SAMMSON: variants seen among roughly 807,000 people sequenced by gnomAD.
SAMMSON encodes the protein survival associated mitochondrial melanoma specific oncogenic non-coding RNA, also known as long intergenic non-protein coding RNA 1212.
At chr3:70,338,738 A>C (rs971226445) in intron 7 of SAMMSON, among the ~76,000 whole-genome samples, 6 of 152,168 alleles carry the variant, frequency 3.9e-5, no homozygotes, top group African/African-American at 1.4e-4. Context: ...ACCACTGCTC[A>C]AGGAAATAAG....
intron 6 of SAMMSON, among the ~76,000 whole-genome samples, chr3:70,279,067 C>A (rs566954390): frequency 6.7e-6 from 1 of 149,972 alleles, no homozygotes; most frequent in South Asian, 2.2e-4. Context: ...TTCCTAACAT[C>A]TTCTCATTTG....
At chr3:70,206,449 A>T (rs1289699878) in intron 4 of SAMMSON, 20 of 394,796 alleles carry the variant, frequency 5.1e-5, no homozygotes, top group Non-Finnish European at 1.8e-5. Flanking sequence ...TTTCAAATCG[A>T]AGTCTTCGTG....
At chr3:70,317,934 G>C (rs1199102215) in intron 7 of SAMMSON, among the ~76,000 whole-genome samples, 3 of 151,558 alleles carry the variant, frequency 2.0e-5, no homozygotes, top group Non-Finnish European at 3.0e-5. Flanking sequence ...ATTCTTTATT[G>C]ACAGGTTTTT....
At chr3:70,379,390 A>T (rs1011191002) in intron 9 of SAMMSON, among the ~76,000 whole-genome samples, 2 of 152,106 alleles carry the variant, frequency 1.3e-5, no homozygotes, top group African/African-American at 4.8e-5. Flanking sequence ...TCTGAAATGG[A>T]GTTTAGTGTG....
rs371759016 is a variant in SAMMSON, at chr3:70,315,116, T to C, written n.739+23873T>C. On this transcript the variant is annotated intron_variant and non_coding_transcript_variant, in intron 7 of 9. Transcript: ENST00000642114. Reference sequence around the variant, plus strand: ...TCGAAGCATTAGAATAGAATCTCTGTACAAGAGTTTATTCTGAAGAGGAAA... The same window carrying C: ...TCGAAGCATTAGAATAGAATCTCTGCACAAGAGTTTATTCTGAAGAGGAAA... Among the ~76,000 whole-genome samples the C allele has an allele frequency of 1.4e-3, 220 of 152,290 alleles. 2 individuals carry two copies. Among genetic ancestry groups the C allele is most frequent in the African/African-American group, 5.1e-3 (213 of 41,574 alleles).
chr3:70,362,483 A>C (rs1702880268), intron 9 of SAMMSON, among the ~76,000 whole-genome samples: 1 of 152,114 alleles, frequency 6.6e-6, no homozygotes, highest in African/African-American at 2.4e-5. Flanking sequence ...CCATACCAAT[A>C]GTTTTTAAAG....
At chr3:70,356,290 A>T (rs1575632610) in intron 8 of SAMMSON, among the ~76,000 whole-genome samples, 1 of 152,130 alleles carries the variant, frequency 6.6e-6, no homozygotes, top group East Asian at 1.9e-4. Flanking sequence ...GTTACCTATT[A>T]CCCCAAATCC....
chr3:70,331,281 A>G (rs1369530709), intron 7 of SAMMSON, among the ~76,000 whole-genome samples: 3 of 152,148 alleles, frequency 2.0e-5, no homozygotes, highest in African/African-American at 7.2e-5. Flanking sequence ...GGCCCAGTCA[A>G]AACTTCGTCC....
At chr3:70,335,513 A>G (rs1702654024) in intron 7 of SAMMSON, among the ~76,000 whole-genome samples, 1 of 152,044 alleles carries the variant, frequency 6.6e-6, no homozygotes, top group African/African-American at 2.4e-5. Flanking sequence ...CACAATTATA[A>G]TTGAACACTC....
At chr3:70,015,375 G>A (rs969561857) in intron 3 of SAMMSON, 1 of 150,798 alleles carries the variant, frequency 6.6e-6, no homozygotes, top group East Asian at 1.9e-4. Context: ...TTTAAAAAAA[G>A]TACTGGATGG....
chr3:70,297,973 A>G (rs1026153727), intron 7 of SAMMSON, among the ~76,000 whole-genome samples: 2 of 152,060 alleles, frequency 1.3e-5, no homozygotes, highest in South Asian at 4.2e-4. Flanking sequence ...TGCTACTTAA[A>G]TAATCAGGGG....
At chr3:70,072,688 G>A (rs1291695317) in intron 4 of SAMMSON, 1 of 150,574 alleles carries the variant, frequency 6.6e-6, no homozygotes, top group Non-Finnish European at 1.5e-5. Flanking sequence ...TTTTTATAAG[G>A]GTGTCAGTAC....
chr3:70,395,050 A>G (rs965975076), intron 2 of SAMMSON, among the ~76,000 whole-genome samples: 3 of 152,172 alleles, frequency 2.0e-5, no homozygotes, highest in South Asian at 2.1e-4. Context: ...ATTTCCAAGT[A>G]TCACCTGTTT....
At chr3:70,261,584 G>C (rs1298516275) in intron 6 of SAMMSON, among the ~76,000 whole-genome samples, 1 of 151,864 alleles carries the variant, frequency 6.6e-6, no homozygotes, top group Non-Finnish European at 1.5e-5. Flanking sequence ...CACCCTTTTT[G>C]GTTTCCCTGA....
chr3:70,192,319 C>T (rs1701136714), intron 4 of SAMMSON, among the ~76,000 whole-genome samples: 1 of 152,186 alleles, frequency 6.6e-6, no homozygotes, highest in Non-Finnish European at 1.5e-5. Context: ...AGTAGTTCTG[C>T]TTCCCACCCT....
At chr3:70,408,074 T>A (rs1051216949) in intron 2 of SAMMSON, among the ~76,000 whole-genome samples, 6 of 152,178 alleles carry the variant, frequency 3.9e-5, no homozygotes, top group African/African-American at 1.4e-4. Flanking sequence ...AAGCTCTAGG[T>A]TGGTCTCTTT....
intron 7 of SAMMSON, among the ~76,000 whole-genome samples, chr3:70,320,569 C>A (rs981921509): frequency 9.9e-5 from 15 of 152,068 alleles, no homozygotes; most frequent in African/African-American, 3.6e-4. Flanking sequence ...CAAAGACCTG[C>A]ATTATGAGCT....
intron 1 of SAMMSON, among the ~76,000 whole-genome samples, chr3:70,011,939 G>A (rs1379233310): frequency 4.6e-5 from 7 of 152,040 alleles, no homozygotes; most frequent in Admixed American, 4.6e-4. Context: ...AATTCCCAGA[G>A]ATGAGTGCAT....
intron 3 of SAMMSON, among the ~76,000 whole-genome samples, chr3:70,062,158 C>T (rs889841117): frequency 4.6e-5 from 7 of 152,000 alleles, no homozygotes; most frequent in East Asian, 1.9e-4. Flanking sequence ...CTGAGACACC[C>T]GCATGGCCCG....
Sources: allele counts gnomAD v4.1 joint callset (sites outside exome capture counted in the v4.1 genomes callset), GRCh38; gene constraint gnomAD v4.1.1; transcripts MANE v1.5; gene names NCBI Gene and HGNC (gene_info 2026-07-23, HGNC 2026-07-21).